The following OR13C9 variants were observed in gnomAD, a reference collection of about 807,000 sequenced individuals.
OR13C9 encodes the protein olfactory receptor 13C9.
For missense variants in OR13C9, 368 were observed against 382.2 expected (o/e 0.96, Z 0.31); for synonymous variants, 133 against 134.9 (o/e 0.99, Z 0.10).
rs1423857132 is a variant in OR13C9 at position 104,617,938 on chromosome 9, T to C, written c.267A>G (p.Arg89=). The C allele has an allele frequency of 1.2e-6, 2 of 1,614,056 alleles. No homozygotes were observed. The highest frequency in any genetic ancestry group is 1.7e-6 in the Non-Finnish European group (2 of 1,180,006). Residue 89 remains arginine, a synonymous_variant, in exon 1 of 1, where the codon AGA becomes AGG. Transcript: ENST00000259362. ...CACAGCCAGAAAAGGAAATGGTCTT[T>C]CTTTCTGAAAGGAAGCTCACTAGTG... The part of the protein sequence containing the change: ...PSTLVSFLSE[R]KTISFSGCAV...
Position 104,617,707 on chromosome 9 carries a change from C to A in OR13C9, c.498G>T (p.Leu166Phe). ...TGATGACATTCTTCCTGCAGAAAGG[C>A]AATTGTACTACAAATGTAGTTTGTA... ...SAVQTTFVVQ[L>F]PFCRKNVINH... is the part of the protein sequence containing the mutation. The change falls in exon 1 of 1, where the codon TTG becomes TTT. Residue 166 changes from leucine to phenylalanine, a missense_variant. By Grantham distance (22) the Leu-to-Phe change is conservative. Coordinates refer to ENST00000259362, the MANE Select transcript of OR13C9 (RefSeq NM_001001956.1). The A allele has an allele frequency of 6.2e-7, 1 of 1,613,908 alleles. No homozygotes were observed. The highest frequency in any genetic ancestry group is 8.5e-7 in the Non-Finnish European group (1 of 1,179,962).
At position 104,617,831 on chromosome 9, in the gene OR13C9, G is replaced by C. The variant is rs1564229527; in HGVS notation, c.374C>G (p.Ala125Gly). 4 of 1,613,886 alleles carry C rather than the reference G, an allele frequency of 2.5e-6. No homozygotes were observed. In the South Asian group the frequency reaches 4.4e-5, roughly 18 times the overall value. ...GGGATATCTCAGAGGGTTGCAGATAGCCACATAGCGGTCAAAGGCCATCAT... is the reference window on the plus strand; with the variant it reads ...GGGATATCTCAGAGGGTTGCAGATACCCACATAGCGGTCAAAGGCCATCAT... ...LGMMAFDRYV[A>G]ICNPLRYPII... The change falls in exon 1 of 1, where the codon GCT becomes GGT. Residue 125 changes from alanine (A) to glycine (G), a missense_variant. Physicochemically the swap from Ala to Gly is moderately conservative, Grantham distance 60 (BLOSUM62 0). Transcript: ENST00000259362.
Position 104,617,730 on chromosome 9 carries a change from G to A in OR13C9, c.475C>T (p.Gln159Ter). 1 of 1,613,876 alleles carries A rather than the reference G, an allele frequency of 6.2e-7. No individual in the cohort carries two copies. The highest frequency in any genetic ancestry group is 8.5e-7 in the Non-Finnish European group (1 of 1,179,952). The change falls in exon 1 of 1, where the codon CAA becomes TAA. Residue 159 changes from glutamine to a stop codon, truncating the protein, a stop_gained. Transcript: ENST00000259362. LOFTEE classifies it low-confidence loss of function (END_TRUNC). ...GGCAATTGTACTACAAATGTAGTTT[G>A]TACTGCAGAGTTGACAATCCCTGCA... ...WFAGIVNSAV[Q>*]TTFVVQLPFC...
At position 104,617,392 on chromosome 9, in the gene OR13C9, A is replaced by C; in HGVS notation, c.813T>G (p.Asp271Glu). The change falls in exon 1 of 1, where the codon GAT becomes GAG. Residue 271 changes from aspartate to glutamate, a missense_variant. By Grantham distance (45) the Asp-to-Glu change is conservative (BLOSUM62 2). Transcript: ENST00000259362. ...KPKSKETLNSDDLDATDKIIS... is the reference protein window; with the variant it reads ...KPKSKETLNSEDLDATDKIIS... ...TAATTTTGTCGGTAGCATCCAAGTC[A>C]TCTGAATTAAGTGTCTCTTTAGACT... is the stretch of plus-strand genomic sequence containing the variant. The C allele has an allele frequency of 1.2e-6, 2 of 1,613,860 alleles. No homozygotes were observed. Among genetic ancestry groups the C allele is most frequent in the Non-Finnish European group, 1.7e-6 (2 of 1,179,898 alleles).
Position 104,617,839 on chromosome 9 carries a change from G to C in OR13C9, c.366C>G (p.Arg122=). 1 of 1,614,014 alleles carries C rather than the reference G, an allele frequency of 6.2e-7. No individual in the cohort carries two copies. The highest frequency in any genetic ancestry group is 1.1e-5 in the South Asian group (1 of 91,078). ...TCAGAGGGTTGCAGATAGCCACATA[G>C]CGGTCAAAGGCCATCATGCCCAGAA... The part of the protein sequence containing the change: ...CVLLGMMAFD[R]YVAICNPLRY... Residue 122 remains arginine (R), a synonymous_variant, in exon 1 of 1, where the codon CGC becomes CGG. Coordinates refer to ENST00000259362, the MANE Select transcript of OR13C9 (RefSeq NM_001001956.1).
In OR13C9 at chr9:104,617,319, A is replaced by C; in HGVS notation, c.886T>G (p.Tyr296Asp). The C allele has an allele frequency of 6.2e-7, 1 of 1,613,738 alleles. No homozygotes were observed. The highest frequency in any genetic ancestry group is 8.5e-7 in the Non-Finnish European group (1 of 1,179,802). Residue 296 changes from tyrosine to aspartate, a missense_variant, in exon 1 of 1, where the codon TAC becomes GAC. Physicochemically the swap from Tyr to Asp is radical, Grantham distance 160. Coordinates refer to ENST00000259362, the MANE Select transcript of OR13C9 (RefSeq NM_001001956.1). ...VMTPMMNPLIYSLRNKDVKEA... is the reference protein window; with the variant it reads ...VMTPMMNPLIDSLRNKDVKEA... ...TTCACATCCTTGTTTCTAAGACTGT[A>C]GATTAAAGGATTCATCATGGGAGTC...
Position 104,617,583 on chromosome 9 carries a change from A to T in OR13C9, c.622T>A (p.Leu208Met), listed in dbSNP as rs1198154693. 6.2e-7 allele frequency: 1 copy of T among 1,613,726 alleles called. No homozygotes were observed. The highest frequency in any genetic ancestry group is 1.3e-5 in the African/African-American group (1 of 74,874). ...ATAACTATCAAGAGCAGTGGCATCA[A>T]TGTGAACAATATTGTGGCCACAAGC... is the stretch of plus-strand genomic sequence containing the variant. ...LMLVATILFT[L>M]MPLLLIVISY... Residue 208 changes from leucine (L) to methionine (M), a missense_variant, in exon 1 of 1, where the codon TTG (leucine) becomes ATG (methionine). Transcript: ENST00000259362.
In OR13C9 at chr9:104,617,304, T is replaced by G; in HGVS notation, c.901A>C (p.Lys301Gln). 1 of 1,613,440 alleles carries G rather than the reference T, an allele frequency of 6.2e-7. No homozygotes were observed. The highest frequency in any genetic ancestry group is 8.5e-7 in the Non-Finnish European group (1 of 1,179,658). Reference protein sequence around the residue: ...MNPLIYSLRNKDVKEAVKHLP... With the variant: ...MNPLIYSLRNQDVKEAVKHLP... ...TGTTTTACTGCCTCTTTCACATCCT[T>G]GTTTCTAAGACTGTAGATTAAAGGA... Residue 301 changes from lysine (K) to glutamine (Q), a missense_variant, in exon 1 of 1, where the codon AAG becomes CAG. Physicochemically the swap from Lys to Gln is moderately conservative, Grantham distance 53 (BLOSUM62 1). Transcript: ENST00000259362.
chr9:104,617,745 C>CA lies in OR13C9; in HGVS notation c.459dup (p.Val154CysfsTer27). On this transcript the variant is annotated frameshift_variant, in exon 1 of 1. Coordinates refer to ENST00000259362, the MANE Select transcript of OR13C9 (RefSeq NM_001001956.1). LOFTEE classifies it low-confidence loss of function (END_TRUNC). Reference sequence around the variant, plus strand: ...AATGTAGTTTGTACTGCAGAGTTGACAATCCCTGCAAACCAGGACCCAACA... The same window carrying CA: ...AATGTAGTTTGTACTGCAGAGTTGACAAATCCCTGCAAACCAGGACCCAACA... 6.2e-7 allele frequency: 1 copy of CA among 1,613,890 alleles called. No individual in the cohort carries two copies. Among genetic ancestry groups the CA allele is most frequent in the East Asian group, 2.2e-5 (1 of 44,878 alleles).
In OR13C9 at chr9:104,617,334, T is replaced by C; in HGVS notation, c.871A>G (p.Met291Val). ...SMFYGVMTPM[M>V]NPLIYSLRNK... ...CTAAGACTGTAGATTAAAGGATTCATCATGGGAGTCATCACCCCATAGAAC... is the reference window on the plus strand; with the variant it reads ...CTAAGACTGTAGATTAAAGGATTCACCATGGGAGTCATCACCCCATAGAAC... The change falls in exon 1 of 1, where the codon ATG becomes GTG. Residue 291 changes from methionine to valine, a missense_variant. Physicochemically the swap from Met to Val is conservative, Grantham distance 21. Coordinates refer to ENST00000259362, the MANE Select transcript of OR13C9 (RefSeq NM_001001956.1). The C allele has an allele frequency of 6.2e-7, 1 of 1,613,842 alleles. No homozygotes were observed. Among genetic ancestry groups the C allele is most frequent in the South Asian group, 1.1e-5 (1 of 91,070 alleles).
In OR13C9 at chr9:104,617,734, T is replaced by G; in HGVS notation, c.471A>C (p.Ala157=). 1 of 1,613,944 alleles carries G rather than the reference T, an allele frequency of 6.2e-7. No homozygotes were observed. Among genetic ancestry groups the G allele is most frequent in the Non-Finnish European group, 8.5e-7 (1 of 1,179,952 alleles). ...GSWFAGIVNS[A]VQTTFVVQLP... is the part of the protein sequence containing the mutation. ...ATTGTACTACAAATGTAGTTTGTAC[T>G]GCAGAGTTGACAATCCCTGCAAACC... The change falls in exon 1 of 1, where the codon GCA becomes GCC. Residue 157 remains alanine, a synonymous_variant. Coordinates refer to ENST00000259362, the MANE Select transcript of OR13C9 (RefSeq NM_001001956.1).
Position 104,617,467 on chromosome 9 carries a change from A to T in OR13C9, c.738T>A (p.Thr246=), listed in dbSNP as rs769898400. The stretch of plus-strand genomic sequence containing the variant: ...TGGTCCCATAGAATATTATGACCAC[A>T]GTCAGATGGGCTGAGCAGGTAGAGA... ...KAFSTCSAHL[T]VVIIFYGTIL... is the part of the protein sequence containing the mutation. Residue 246 remains threonine (T), a synonymous_variant, in exon 1 of 1, where the codon ACT becomes ACA. Transcript: ENST00000259362. The T allele has an allele frequency of 1.4e-5, 23 of 1,613,706 alleles. No individual in the cohort carries two copies. In the East Asian group the frequency reaches 4.9e-4, roughly 34 times the overall value.
chr9:104,617,518 G>A lies in OR13C9; in HGVS notation c.687C>T (p.His229=). 6.2e-7 allele frequency: 1 copy of A among 1,613,812 alleles called. No individual in the cohort carries two copies. The highest frequency in any genetic ancestry group is 1.1e-5 in the South Asian group (1 of 91,070). The part of the protein sequence containing the change: ...SLIISSILKI[H]SSEGRSKAFS... The stretch of plus-strand genomic sequence containing the variant: ...AAGCTTTGCTTCTCCCCTCAGAGGA[G>A]TGAATCTTGAGGATGCTGGAAATGA... Residue 229 remains histidine, a synonymous_variant, in exon 1 of 1, where the codon CAC becomes CAT. Coordinates refer to ENST00000259362, the MANE Select transcript of OR13C9 (RefSeq NM_001001956.1).
rs753998865 is a variant in OR13C9 at position 104,617,978 on chromosome 9, G to A, written c.227C>T (p.Thr76Ile). ...GCTCACTAGTGTGGAGGGAATAGAG[G>A]TGGTGGTGTAGCAGATGTCCAAGAA... ...LSFLDICYTT[T>I]SIPSTLVSFL... The change falls in exon 1 of 1, where the codon ACC becomes ATC. Residue 76 changes from threonine to isoleucine, a missense_variant. Coordinates refer to ENST00000259362, the MANE Select transcript of OR13C9 (RefSeq NM_001001956.1). 4 of 1,613,910 alleles carry A rather than the reference G, an allele frequency of 2.5e-6. No individual in the cohort carries two copies. The highest frequency in any genetic ancestry group is 3.4e-6 in the Non-Finnish European group (4 of 1,180,008).
chr9:104,617,742 T>G lies in OR13C9; in HGVS notation c.463A>C (p.Asn155His), dbSNP rs1826470232. Residue 155 changes from asparagine to histidine, a missense_variant, in exon 1 of 1, where the codon AAC becomes CAC. Transcript: ENST00000259362. ...AVGSWFAGIVNSAVQTTFVVQ... is the reference protein window; with the variant it reads ...AVGSWFAGIVHSAVQTTFVVQ... ...ACAAATGTAGTTTGTACTGCAGAGT[T>G]GACAATCCCTGCAAACCAGGACCCA... is the stretch of plus-strand genomic sequence containing the variant. 2 of 1,613,926 alleles carry G rather than the reference T, an allele frequency of 1.2e-6. No individual in the cohort carries two copies. Among genetic ancestry groups the G allele is most frequent in the South Asian group, 2.2e-5 (2 of 91,084 alleles).
In OR13C9 at chr9:104,617,489, G is replaced by C. The variant is rs1347918982; in HGVS notation, c.716C>G (p.Ser239Cys). Residue 239 changes from serine (S) to cysteine (C), a missense_variant, in exon 1 of 1, where the codon TCT becomes TGT. Coordinates refer to ENST00000259362, the MANE Select transcript of OR13C9 (RefSeq NM_001001956.1). Reference sequence around the variant, plus strand: ...CACAGTCAGATGGGCTGAGCAGGTAGAGAAAGCTTTGCTTCTCCCCTCAGA... The same window carrying C: ...CACAGTCAGATGGGCTGAGCAGGTACAGAAAGCTTTGCTTCTCCCCTCAGA... ...HSSEGRSKAF[S>C]TCSAHLTVVI... 12 of 1,613,846 alleles carry C rather than the reference G, an allele frequency of 7.4e-6. No homozygotes were observed. Among genetic ancestry groups the C allele is most frequent in the Non-Finnish European group, 1.0e-5 (12 of 1,179,922 alleles).
In OR13C9 at chr9:104,618,074, G is replaced by A. The variant is rs767185108; in HGVS notation, c.131C>T (p.Thr44Ile). Residue 44 changes from threonine to isoleucine, a missense_variant, in exon 1 of 1, where the codon ACT (threonine) becomes ATT (isoleucine). Transcript: ENST00000259362. ...GTCCAAGATGCTGATTAAAATGAGA[G>A]TACCATTCCCCAGAAGGATGACCAC... ...MYVVILLGNG[T>I]LILISILDPH... 5.0e-6 allele frequency: 8 copies of A among 1,613,652 alleles called. No individual in the cohort carries two copies. Among genetic ancestry groups the A allele is most frequent in the Admixed American group, 1.7e-5 (1 of 59,936 alleles).
Position 104,617,349 on chromosome 9 carries a change from C to A in OR13C9, c.856G>T (p.Val286Leu), listed in dbSNP as rs1826460714. The change falls in exon 1 of 1, where the codon GTG becomes TTG. Residue 286 changes from valine to leucine, a missense_variant. Transcript: ENST00000259362. ...AAAGGATTCATCATGGGAGTCATCA[C>A]CCCATAGAACATGGATATAATTTTG... Reference protein sequence around the residue: ...TDKIISMFYGVMTPMMNPLIY... With the variant: ...TDKIISMFYGLMTPMMNPLIY... 4.3e-6 allele frequency: 7 copies of A among 1,613,832 alleles called. No individual in the cohort carries two copies. Among genetic ancestry groups the A allele is most frequent in the Non-Finnish European group, 5.9e-6 (7 of 1,179,872 alleles).
chr9:104,617,477 G>A lies in OR13C9; in HGVS notation c.728C>T (p.Ala243Val). Residue 243 changes from alanine to valine, a missense_variant, in exon 1 of 1, where the codon GCC becomes GTC. Transcript: ENST00000259362. ...GAATATTATGACCACAGTCAGATGGGCTGAGCAGGTAGAGAAAGCTTTGCT... is the reference window on the plus strand; with the variant it reads ...GAATATTATGACCACAGTCAGATGGACTGAGCAGGTAGAGAAAGCTTTGCT... ...GRSKAFSTCS[A>V]HLTVVIIFYG... 2.5e-6 allele frequency: 4 copies of A among 1,613,834 alleles called. No individual in the cohort carries two copies. Among genetic ancestry groups the A allele is most frequent in the Non-Finnish European group, 3.4e-6 (4 of 1,179,922 alleles).
Sources: allele counts gnomAD v4.1 joint callset, GRCh38; gene constraint gnomAD v4.1.1; transcripts MANE v1.5; gene names NCBI Gene and HGNC (gene_info 2026-07-23, HGNC 2026-07-21).